ROCK1: variants seen among roughly 807,000 people sequenced by gnomAD.
The protein encoded by ROCK1 is Rho associated coiled-coil containing protein kinase 1.
Under a neutral mutation model 196.8 loss-of-function variants are expected in ROCK1, and 36 were observed. The observed-to-expected ratio is 0.18, with a 90% CI of 0.14 to 0.24. The LOEUF (loss-of-function observed/expected upper bound fraction) is 0.24. ROCK1 is among the 10% of genes least tolerant of loss of function. The pLI is 1.00. For synonymous variants in ROCK1, 443 were observed against 515.9 expected (o/e 0.86, Z 1.91); for missense variants, 920 against 1,562.0 (o/e 0.59, Z 6.93).
intron 27 of ROCK1, among the ~76,000 whole-genome samples, chr18:20,961,420 T>C (rs1409112569): frequency 1.3e-5 from 2 of 152,198 alleles, no homozygotes; most frequent in Non-Finnish European, 2.9e-5. Context: ...TTAACCTATG[T>C]ATAAGTCCAT....
intron 6 of ROCK1, among the ~76,000 whole-genome samples, 190 bp from the exon 7 acceptor site, chr18:21,042,899 A>G (rs1340008038): frequency 1.3e-5 from 2 of 152,132 alleles, no homozygotes; most frequent in East Asian, 3.9e-4. Context: ...TATACACACC[A>G]TATACATATA....
At chr18:21,033,655 T>C (rs2036029629) in intron 9 of ROCK1, among the ~76,000 whole-genome samples, 1 of 151,430 alleles carries the variant, frequency 6.6e-6, no homozygotes, top group Admixed American at 6.6e-5. Flanking sequence ...AGATCAGAAA[T>C]AAAAGTTCTA....
At chr18:20,995,773 T>G (rs1383796194) in intron 16 of ROCK1, among the ~76,000 whole-genome samples, 1 of 152,172 alleles carries the variant, frequency 6.6e-6, no homozygotes, top group South Asian at 2.1e-4. Context: ...CAGATAATTC[T>G]TCCACATCTT....
In ROCK1 at chr18:20,969,183, G is replaced by A; in HGVS notation, c.2846C>T (p.Thr949Ile). Residue 949 changes from threonine to isoleucine, a missense_variant, in exon 24 of 33, where the codon ACC becomes ATC. Thr to Ile is a moderately conservative substitution (Grantham distance 89). Transcript: ENST00000399799. ...SRLEEANSML[T>I]KDIEILRREN... is the part of the protein sequence containing the mutation. ...TCTTCTTAATATTTCAATATCTTTG[G>A]TTAGCATGCTGTTTGCTTCTTCAAG... 1.9e-6 allele frequency: 3 copies of A among 1,602,558 alleles called. No individual in the cohort carries two copies. Among genetic ancestry groups the A allele is most frequent in the Non-Finnish European group, 2.5e-6 (3 of 1,177,634 alleles).
intron 1 of ROCK1, among the ~76,000 whole-genome samples, chr18:21,092,909 G>C (rs575154382): frequency 6.6e-6 from 1 of 152,118 alleles, no homozygotes; most frequent in South Asian, 2.1e-4. Context: ...CTTAAGTTGA[G>C]GTTTGGCAAA....
intron 1 of ROCK1, among the ~76,000 whole-genome samples, chr18:21,077,595 G>C (rs140121005): frequency 1.1e-5 from 1 of 92,264 alleles, no homozygotes; most frequent in African/African-American, 4.1e-5. Flanking sequence ...AGGCCCAGAG[G>C]AGAAGTGGGG....
chr18:20,994,907 GTTGA>G (rs1482685807), intron 16 of ROCK1, among the ~76,000 whole-genome samples: 1 of 152,098 alleles, frequency 6.6e-6, no homozygotes, highest in East Asian at 1.9e-4. Flanking sequence ...CATAATCTAA[GTTGA>G]TTAAAACAAA....
At chr18:21,047,784 C>T (rs1394780746) in intron 4 of ROCK1, among the ~76,000 whole-genome samples, 2 of 149,350 alleles carry the variant, frequency 1.3e-5, no homozygotes, top group African/African-American at 2.5e-5. Context: ...GGCGACAGAG[C>T]GAGACTCCGT....
intron 12 of ROCK1, among the ~76,000 whole-genome samples, chr18:21,016,129 T>C (rs2035861148): frequency 6.6e-6 from 1 of 152,220 alleles, no homozygotes; most frequent in Non-Finnish European, 1.5e-5. Flanking sequence ...GCATAAATGA[T>C]ATTTAGAGAT....
At chr18:20,975,015 T>C (rs940018634) in intron 22 of ROCK1, among the ~76,000 whole-genome samples, 1 of 152,230 alleles carries the variant, frequency 6.6e-6, no homozygotes, top group Non-Finnish European at 1.5e-5. Context: ...AATGCTGCAG[T>C]TACAATTGTA....
intron 2 of ROCK1, among the ~76,000 whole-genome samples, chr18:21,062,192 T>C (rs2036297248): frequency 2.0e-5 from 3 of 152,046 alleles, no homozygotes; most frequent in Non-Finnish European, 4.4e-5. Flanking sequence ...CAGAGCTCCT[T>C]GGAAAAAATG....
chr18:21,109,261 C>T (rs2036728899), intron 1 of ROCK1, among the ~76,000 whole-genome samples: 1 of 152,052 alleles, frequency 6.6e-6, no homozygotes, highest in South Asian at 2.1e-4. Flanking sequence ...AGAGTCATGA[C>T]TTATATTTCC....
At chr18:20,982,440 C>T (rs770206373) in intron 21 of ROCK1, among the ~76,000 whole-genome samples, 3 of 152,078 alleles carry the variant, frequency 2.0e-5, no homozygotes, top group Admixed American at 6.6e-5. Context: ...GTAGTAGAGA[C>T]GGGGTTTCAC....
intron 1 of ROCK1, among the ~76,000 whole-genome samples, chr18:21,104,354 GT>G (rs2036684823): frequency 6.6e-6 from 1 of 152,118 alleles, no homozygotes; most frequent in Admixed American, 6.5e-5. Context: ...TCCCAGCACT[GT>G]GGGAGGCTGA....
Position 21,033,854 on chromosome 18 carries a change from TAAAAAAA to T in ROCK1, c.1052-4926_1052-4920del, listed in dbSNP as rs71269004. Among the ~76,000 whole-genome samples, 43 of 33,464 alleles carry T rather than the reference TAAAAAAA, an allele frequency of 1.3e-3. 1 individual carries two copies. The highest frequency in any genetic ancestry group is 0.077 in the Middle Eastern group (2 of 26). The allele number at this position is 33,464 out of a possible 152,430, so 22.0% of individuals were successfully genotyped here. On this transcript the variant is annotated intron_variant, in intron 9 of 32. Coordinates refer to ENST00000399799, the MANE Select transcript of ROCK1 (RefSeq NM_005406.3). ...TAACTCAGTGAAACCCCGTTTCTACTAAAAAAAAAAAAAAAAAAAAAAAAAAAAAATT... is the reference window on the plus strand; with the variant it reads ...TAACTCAGTGAAACCCCGTTTCTACTAAAAAAAAAAAAAAAAAAAAAAATT...
At chr18:21,097,122 G>T (rs1295402631) in intron 1 of ROCK1, among the ~76,000 whole-genome samples, 1 of 152,152 alleles carries the variant, frequency 6.6e-6, no homozygotes, top group South Asian at 2.1e-4. Flanking sequence ...CCAGTAGAGC[G>T]CAGTCTATTT....
intron 1 of ROCK1, among the ~76,000 whole-genome samples, chr18:21,080,393 T>C (rs2036472960): frequency 6.6e-6 from 1 of 151,966 alleles, no homozygotes; most frequent in South Asian, 2.1e-4. Flanking sequence ...GAAAAGGAAC[T>C]AAAGGAAACT....
Position 20,947,231 on chromosome 18 carries a change from A to T in ROCK1, c.*4153T>A, listed in dbSNP as rs1046263963. 3 of 151,886 alleles carry T rather than the reference A, an allele frequency of 2.0e-5. No homozygotes were observed. The highest frequency in any genetic ancestry group is 7.3e-5 in the African/African-American group (3 of 41,292). 9.4% of individuals were successfully genotyped at this position (151,886 alleles called of 1,614,324 possible). A position where few individuals can be genotyped will look rare whatever the true frequency, so the allele number is the denominator to read the frequency against. ...GTTATTCTTTTCCTACCTCACAAAAATCTGAGTTACATATACTTTGGAGAT... is the reference window on the plus strand; with the variant it reads ...GTTATTCTTTTCCTACCTCACAAAATTCTGAGTTACATATACTTTGGAGAT... On this transcript the variant is annotated 3_prime_UTR_variant, in exon 33 of 33. Transcript: ENST00000399799.
At chr18:21,037,411 C>G (rs899295750) in intron 9 of ROCK1, among the ~76,000 whole-genome samples, 9 of 151,472 alleles carry the variant, frequency 5.9e-5, no homozygotes, top group Non-Finnish European at 1.2e-4. Context: ...AAATGGAAAC[C>G]CAAAAAAATT....
Sources: gnomAD v4.1 joint callset for allele counts (sites outside exome capture counted in the v4.1 genomes callset) on GRCh38, gnomAD v4.1.1 for gene constraint, MANE v1.5 for transcripts, NCBI Gene and HGNC (gene_info 2026-07-23, HGNC 2026-07-21) for gene names.